Variants in ZNF37A observed in about 807,000 individuals in gnomAD.
ZNF37A encodes the protein zinc finger protein 37A.
A neutral mutation model predicts 12.3 loss-of-function variants in ZNF37A; 10 were observed. The observed-to-expected ratio is 0.82, with a 90% CI of 0.50 to 1.38. The LOEUF (loss-of-function observed/expected upper bound fraction) is 1.38, where lower values mean the gene tolerates loss of function less well. Among genes scored for constraint, ZNF37A ranks in the 40% most tolerant of loss-of-function variants. ZNF37A has a pLI of 0.00. For missense variants in ZNF37A, 580 were observed against 651.2 expected, an observed-to-expected ratio of 0.89 and a Z score of 1.19; for synonymous variants, 207 against 223.0, an observed-to-expected ratio of 0.93 and a Z score of 0.64.
chr10:38,117,578 G>C lies in ZNF37A; in HGVS notation c.427G>C (p.Glu143Gln). 1 of 1,613,266 alleles carries C rather than the reference G, an allele frequency of 6.2e-7. No individual in the cohort carries two copies. Among genetic ancestry groups the C allele is most frequent in the Non-Finnish European group, 8.5e-7 (1 of 1,179,794 alleles). Residue 143 changes from glutamate to glutamine, a missense_variant, in exon 8 of 8, where the codon GAA (glutamate) becomes CAA (glutamine). Glu to Gln is a conservative substitution (Grantham distance 29). Transcript: ENST00000685332. The stretch of plus-strand genomic sequence containing the variant: ...TTGGCATCAGAAAATTAAAAATTGG[G>C]AACAATCTTTTGAATACAATGAATG... ...LIWHQKIKNW[E>Q]QSFEYNECGK...
Position 38,109,472 on chromosome 10 carries a change from T to G in ZNF37A, c.16-5283T>G, listed in dbSNP as rs189526813. 9.1e-4 allele frequency among the ~76,000 whole-genome samples: 139 copies of G among 152,218 alleles called. No individual in the cohort carries two copies. In the Middle Eastern group the frequency reaches 0.01, roughly 11 times the overall value. On this transcript the variant is annotated intron_variant, in intron 5 of 7. Coordinates refer to ENST00000685332, the MANE Select transcript of ZNF37A (RefSeq NM_001324250.3). ...CTCTCACGACTCCTATTCAACATAG[T>G]ATTGGAAGTTCTGGCCAAGGCATTC...
intron 5 of ZNF37A, among the ~76,000 whole-genome samples, chr10:38,098,886 G>GCATTGTAATGAGTA (rs60021231): frequency 0.48 from 73,035 of 151,604 alleles, 17,736 homozygotes; most frequent in East Asian, 0.54. Context: ...TTTTGACTGT[G>GCATTGTAATGAGTA]CACAACTAAT....
At chr10:38,115,173 G>C in intron 6 of ZNF37A, 22 bp from the exon 7 acceptor site, 1 of 1,582,200 alleles carries the variant, frequency 6.3e-7, no homozygotes, top group Non-Finnish European at 8.6e-7. Flanking sequence ...TTTGTCCCAA[G>C]TAATACAATT....
In ZNF37A at chr10:38,118,285, A is replaced by G; in HGVS notation, c.1134A>G (p.Thr378=). ...TTACTGTGCATCAGAAAACACACAC[A>G]GGGGAGAAGCCCTATGAATGCTATG... ...SVLTVHQKTH[T]GEKPYECYAC... Residue 378 remains threonine, a synonymous_variant, in exon 8 of 8, where the codon ACA becomes ACG. Coordinates refer to ENST00000685332, the MANE Select transcript of ZNF37A (RefSeq NM_001324250.3). The G allele has an allele frequency of 1.2e-6, 2 of 1,613,890 alleles. No homozygotes were observed. The highest frequency in any genetic ancestry group is 1.7e-6 in the Non-Finnish European group (2 of 1,179,884).
At chr10:38,113,205 A>ATT (rs71007697) in intron 5 of ZNF37A, among the ~76,000 whole-genome samples, 896 of 75,876 alleles carry the variant, frequency 0.012, no homozygotes, top group Middle Eastern at 0.028. Flanking sequence ...TTAGTCTGTG[A>ATT]TTTTTTTTTT....
chr10:38,146,339 C>G (rs1024381532), intron 7 of ZNF37A, among the ~76,000 whole-genome samples: 3 of 152,128 alleles, frequency 2.0e-5, no homozygotes, highest in Non-Finnish European at 4.4e-5. Flanking sequence ...TACAGTGGCA[C>G]AATCTCAGCG....
chr10:38,097,583 C>CAAAAAAAAAAAAAAAAA lies in ZNF37A; in HGVS notation c.15+966_15+982dup, dbSNP rs71007695. On this transcript the variant is annotated intron_variant, in intron 5 of 7. Transcript: ENST00000685332. ...TGGGTGACAGAGTGAGACTCTGTCT[C>CAAAAAAAAAAAAAAAAA]AAAAAAAAAAAAAAAAAAAAAAAAA... 6.1e-4 allele frequency among the ~76,000 whole-genome samples: 38 copies of CAAAAAAAAAAAAAAAAA among 61,946 alleles called. 3 individuals are homozygous for CAAAAAAAAAAAAAAAAA. The highest frequency in any genetic ancestry group is 7.0e-4 in the Non-Finnish European group (20 of 28,496). The allele number at this position is 61,946 out of a possible 152,430, so 40.6% of individuals were successfully genotyped here. A position where few individuals can be genotyped will look rare whatever the true frequency, so the allele number is the denominator to read the frequency against.
At chr10:38,144,531 C>A (rs1430255258) in intron 7 of ZNF37A, 1 of 152,022 alleles carries the variant, frequency 6.6e-6, no homozygotes, top group East Asian at 1.9e-4. Context: ...TGAATTAATT[C>A]TTTTTTATTA....
chr10:38,130,849 C>G (rs2136075620), intron 7 of ZNF37A, among the ~76,000 whole-genome samples: 1 of 152,270 alleles, frequency 6.6e-6, no homozygotes, highest in South Asian at 2.1e-4. Flanking sequence ...TCACCACTTT[C>G]TTGTCACTTC....
downstream of ZNF37A, among the ~76,000 whole-genome samples, chr10:38,130,492 G>T (rs2070008396): frequency 6.6e-6 from 1 of 151,904 alleles, no homozygotes; most frequent in Non-Finnish European, 1.5e-5. Context: ...ACAGAGTCTT[G>T]CTCTGTCACC....
chr10:38,129,458 T>C (rs2069987570), downstream of ZNF37A, among the ~76,000 whole-genome samples: 1 of 152,124 alleles, frequency 6.6e-6, no homozygotes, highest in Non-Finnish European at 1.5e-5. Flanking sequence ...TGGTGTCTGC[T>C]GTTCCCTTCT....
downstream of ZNF37A, among the ~76,000 whole-genome samples, chr10:38,127,013 A>G (rs2069937749): frequency 6.6e-6 from 1 of 152,210 alleles, no homozygotes; most frequent in African/African-American, 2.4e-5. Context: ...TCTAATAAAG[A>G]TGCACTCTAT....
intron 7 of ZNF37A, among the ~76,000 whole-genome samples, chr10:38,116,081 A>G (rs981951825): frequency 6.6e-6 from 1 of 152,136 alleles, no homozygotes; most frequent in Non-Finnish European, 1.5e-5. Flanking sequence ...AAAAAATAAA[A>G]AGCAATTAAA....
intron 7 of ZNF37A, among the ~76,000 whole-genome samples, chr10:38,145,614 C>G (rs758279439): frequency 1.3e-5 from 2 of 152,074 alleles, no homozygotes; most frequent in Non-Finnish European, 2.9e-5. Flanking sequence ...CCATTTTCAC[C>G]CTTTGGTTCA....
intron 7 of ZNF37A, chr10:38,142,873 C>T (rs2070202738): frequency 6.6e-6 from 1 of 152,192 alleles, no homozygotes; most frequent in South Asian, 2.1e-4. Context: ...GCATGAAGAA[C>T]TATATCAGAC....
In ZNF37A at chr10:38,114,721, T is replaced by C. The variant is rs562663995; in HGVS notation, c.16-34T>C. On this transcript the variant is annotated intron_variant, in intron 5 of 7. Coordinates refer to ENST00000685332, the MANE Select transcript of ZNF37A (RefSeq NM_001324250.3). Reference sequence around the variant, plus strand: ...CTTTTTTCACGTCAACTGATTCTTATCACTTCAGACTGAGCAAAATTGTGA... The same window carrying C: ...CTTTTTTCACGTCAACTGATTCTTACCACTTCAGACTGAGCAAAATTGTGA... 8 of 1,613,786 alleles carry C rather than the reference T, an allele frequency of 5.0e-6. No individual in the cohort carries two copies. In the South Asian group the frequency reaches 8.8e-5, roughly 18 times the overall value.
intron 7 of ZNF37A, chr10:38,142,287 C>T (rs2070194274): frequency 6.6e-6 from 1 of 151,814 alleles, no homozygotes; most frequent in Admixed American, 6.6e-5. Flanking sequence ...GAGGCCAGAC[C>T]CCAGGAAGAA....
intron 7 of ZNF37A, among the ~76,000 whole-genome samples, chr10:38,145,966 G>C (rs996351686): frequency 1.3e-5 from 2 of 152,088 alleles, no homozygotes; most frequent in African/African-American, 4.8e-5. Context: ...CAGGCGTGGT[G>C]GTGGGCACCT....
chr10:38,108,900 A>C (rs2068380538), intron 5 of ZNF37A, among the ~76,000 whole-genome samples: 1 of 152,234 alleles, frequency 6.6e-6, no homozygotes, highest in African/African-American at 2.4e-5. Context: ...ATACTACCAG[A>C]GGTACAAAGA....
Sources: allele counts gnomAD v4.1 joint callset (sites outside exome capture counted in the v4.1 genomes callset), GRCh38; gene constraint gnomAD v4.1.1; transcripts MANE v1.5; gene names NCBI Gene and HGNC (gene_info 2026-07-23, HGNC 2026-07-21).